Variants in CNN3 observed in about 807,000 individuals in gnomAD.
CNN3 encodes the protein calponin 3, also known as calponin-3.
Under a neutral mutation model 39.0 loss-of-function variants are expected in CNN3, and 11 were observed. The observed-to-expected ratio is 0.28, with a 90% CI of 0.18 to 0.47. The LOEUF (loss-of-function observed/expected upper bound fraction) is 0.47. Ranked by LOEUF, CNN3 falls within the 20% of genes least tolerant of loss-of-function variation. CNN3 has a pLI of 0.99. For synonymous variants in CNN3, 101 were observed against 138.3 expected, an observed-to-expected ratio of 0.73 and a Z score of 1.89; for missense variants, 266 against 403.4, an observed-to-expected ratio of 0.66 and a Z score of 2.92.
In CNN3 at chr1:94,897,728, C is replaced by T. The variant is rs758733559; in HGVS notation, c.*14G>A. 1 of 1,607,772 alleles carries T rather than the reference C, an allele frequency of 6.2e-7. No homozygotes were observed. The highest frequency in any genetic ancestry group is 8.5e-7 in the Non-Finnish European group (1 of 1,175,326). On this transcript the variant is annotated 3_prime_UTR_variant, in exon 7 of 7. Transcript: ENST00000370206. ...AAAACAAAGGACTAAATACTGAGCT[C>T]CTTCTGTGTGGATCTAATAATCAAT...
chr1:94,908,980 A>C (rs1308539399), intron 1 of CNN3, among the ~76,000 whole-genome samples: 1 of 4,882 alleles, frequency 2.0e-4, no homozygotes. Flanking sequence ...CCGTCTCTTT[A>C]AAAAAAAAAA....
chr1:94,926,844 C>T lies in CNN3; in HGVS notation c.51G>A (p.Lys17=), dbSNP rs1406822553. ...CCGCCCGAGCCAGGCGTACCTTGTT[C>T]TTGACTTCGGCCGAGAGCCCATAGG... ...GPSYGLSAEV[K]NKIASKYDHQ... The change falls in exon 1 of 7, where the codon AAG becomes AAA. Residue 17 remains lysine (K), a synonymous_variant. Coordinates refer to ENST00000370206, the MANE Select transcript of CNN3 (RefSeq NM_001839.5). This position sits in a 1 kb window ranked among gnomAD's most constrained non-coding sequence, Gnocchi z 4.2. 55 of 1,610,906 alleles carry T rather than the reference C, an allele frequency of 3.4e-5. No individual in the cohort carries two copies. The highest frequency in any genetic ancestry group is 4.7e-5 in the Non-Finnish European group (55 of 1,178,530).
chr1:94,903,359 A>G, intron 2 of CNN3, 44 bp downstream of exon 2: 2 of 1,549,730 alleles, frequency 1.3e-6, no homozygotes. Context: ...GGCTGTGGAA[A>G]GAACTGGAAG....
intron 1 of CNN3, among the ~76,000 whole-genome samples, chr1:94,908,979 T>TAAA (rs58396959): frequency 2.2e-5 from 3 of 134,440 alleles, no homozygotes; most frequent in Non-Finnish European, 3.2e-5. Flanking sequence ...CCCGTCTCTT[T>TAAA]AAAAAAAAAA....
chr1:94,912,932 C>A (rs1350970308), intron 1 of CNN3, among the ~76,000 whole-genome samples: 14 of 152,086 alleles, frequency 9.2e-5, no homozygotes, highest in Non-Finnish European at 1.5e-5. Flanking sequence ...AACACCATGC[C>A]CACTGTGCTG....
chr1:94,903,640 A>C, intron 1 of CNN3, 116 bp from the exon 2 acceptor site: 5 of 1,377,938 alleles, frequency 3.6e-6, no homozygotes, highest in Non-Finnish European at 3.0e-6. Flanking sequence ...AGTGTAGTAA[A>C]TGACACTCAA....
At position 94,897,869 on chromosome 1, in the gene CNN3, G is replaced by C. The variant is rs1264702737; in HGVS notation, c.863C>G (p.Thr288Arg). ...EPVIHNGSQG[T>R]GTNGSEISDS... ...ACTGATTTCCGAACCATTTGTTCCTGTTCCTTGGCTTCCGTTGTGAATGAC... is the reference window on the plus strand; with the variant it reads ...ACTGATTTCCGAACCATTTGTTCCTCTTCCTTGGCTTCCGTTGTGAATGAC... Residue 288 changes from threonine to arginine, a missense_variant, in exon 7 of 7, where the codon ACA (threonine) becomes AGA (arginine). Coordinates refer to ENST00000370206, the MANE Select transcript of CNN3 (RefSeq NM_001839.5). The C allele has an allele frequency of 6.2e-7, 1 of 1,614,086 alleles. No individual in the cohort carries two copies. Among genetic ancestry groups the C allele is most frequent in the Admixed American group, 1.7e-5 (1 of 60,006 alleles).
intron 6 of CNN3, 70 bp downstream of exon 6, chr1:94,899,301 A>G: frequency 6.1e-6 from 9 of 1,470,500 alleles, no homozygotes; most frequent in Non-Finnish European, 8.2e-6. Flanking sequence ...AAAAATACCT[A>G]CTTTAAACTT....
intron 1 of CNN3, among the ~76,000 whole-genome samples, chr1:94,907,587 G>A (rs1571522813): frequency 2.0e-5 from 3 of 152,310 alleles, no homozygotes; most frequent in Admixed American, 6.5e-5. Flanking sequence ...CTGACAGGGC[G>A]CAGTGGCTCA....
chr1:94,902,988 ATG>A, intron 3 of CNN3, 132 bp downstream of exon 3: 1 of 586,422 alleles, frequency 1.7e-6, no homozygotes, highest in Non-Finnish European at 2.8e-6. Context: ...TTCTGCTACA[ATG>A]TCTATGTAAA....
Position 94,926,964 on chromosome 1 carries a change from G to C in CNN3, c.-70C>G. The stretch of plus-strand genomic sequence containing the variant: ...TCTCGCACTTCGCTTCCCCGCTCCT[G>C]GCCCCGAGGAGTGGCCGCCGCGGGG... On this transcript the variant is annotated 5_prime_UTR_variant, in exon 1 of 7. Transcript: ENST00000370206. The surrounding 1 kb of genome is among the most constrained non-coding windows in gnomAD (Gnocchi z 4.2). The C allele has an allele frequency of 6.5e-7, 1 of 1,535,016 alleles. No homozygotes were observed. Among genetic ancestry groups the C allele is most frequent in the Non-Finnish European group, 8.9e-7 (1 of 1,123,688 alleles).
In CNN3 at chr1:94,926,739, C is replaced by T. The variant is rs1050235531; in HGVS notation, c.57+99G>A. ...CCTCGACGGCCCCTCTCCAGGAAAA[C>T]GGTGAGCCACAGCGCGAAGAGCAAA... is the stretch of plus-strand genomic sequence containing the variant. On this transcript the variant is annotated intron_variant, in intron 1 of 6. Transcript: ENST00000370206. The surrounding 1 kb of genome is among the most constrained non-coding windows in gnomAD (Gnocchi z 4.2). 9.7e-6 allele frequency: 13 copies of T among 1,341,536 alleles called. No individual in the cohort carries two copies. The African/African-American group carries it at 1.2e-4, about 12-fold the overall frequency. 83.1% of individuals were successfully genotyped at this position (1,341,536 alleles called of 1,614,324 possible).
intron 5 of CNN3, among the ~76,000 whole-genome samples, chr1:94,900,185 C>A (rs929267876): frequency 1.2e-4 from 18 of 152,074 alleles, no homozygotes; most frequent in Admixed American, 6.6e-5. Context: ...GCACACTTTT[C>A]TGATGTTGGA....
intron 1 of CNN3, among the ~76,000 whole-genome samples, chr1:94,920,212 G>A (rs777133971): frequency 1.1e-4 from 17 of 152,164 alleles, no homozygotes; most frequent in Non-Finnish European, 2.1e-4. Context: ...CAGATCTACA[G>A]ACCTGGTGCT....
chr1:94,914,622 C>G (rs1021015104), intron 1 of CNN3, among the ~76,000 whole-genome samples: 2 of 152,168 alleles, frequency 1.3e-5, no homozygotes, highest in African/African-American at 2.4e-5. Context: ...CTTAGTAAAT[C>G]TGGAACTCCT....
Position 94,901,717 on chromosome 1 carries a change from A to G in CNN3, c.453T>C (p.Arg151=). 1 of 1,614,030 alleles carries G rather than the reference A, an allele frequency of 6.2e-7. No homozygotes were observed. The highest frequency in any genetic ancestry group is 8.5e-7 in the Non-Finnish European group (1 of 1,179,986). The part of the protein sequence containing the change: ...GVKYAEKQTR[R]FDEGKLKAGQ... ...CAGCTTTTAATTTTCCTTCATCAAA[A>G]CGTCTTGTTTGTTTTTCTGCATACT... Residue 151 remains arginine, a synonymous_variant, in exon 5 of 7, where the codon CGT becomes CGC. Coordinates refer to ENST00000370206, the MANE Select transcript of CNN3 (RefSeq NM_001839.5).
intron 1 of CNN3, among the ~76,000 whole-genome samples, chr1:94,915,159 T>G (rs555862375): frequency 6.6e-6 from 1 of 152,320 alleles, no homozygotes; most frequent in African/African-American, 2.4e-5. Context: ...TACAAAGGTA[T>G]TTTGTACTTT....
At chr1:94,906,118 G>A (rs1018846567) in intron 1 of CNN3, among the ~76,000 whole-genome samples, 4 of 152,068 alleles carry the variant, frequency 2.6e-5, no homozygotes, top group Non-Finnish European at 5.9e-5. Context: ...GAATAGCTAG[G>A]ATTACAGTCA....
Position 94,897,693 on chromosome 1 carries a change from T to C in CNN3, c.*49A>G. On this transcript the variant is annotated 3_prime_UTR_variant, in exon 7 of 7. Coordinates refer to ENST00000370206, the MANE Select transcript of CNN3 (RefSeq NM_001839.5). ...AAATTACTCAAGGCTAGCTTGGTTC[T>C]CACTGAATAAAAACAAAGGACTAAA... is the stretch of plus-strand genomic sequence containing the variant. 6.6e-7 allele frequency: 1 copy of C among 1,519,682 alleles called. No homozygotes were observed. The highest frequency in any genetic ancestry group is 9.0e-7 in the Non-Finnish European group (1 of 1,108,098). 94.1% of individuals were successfully genotyped at this position (1,519,682 alleles called of 1,614,324 possible).
Sources: allele counts gnomAD v4.1 joint callset (sites outside exome capture counted in the v4.1 genomes callset), GRCh38; gene constraint gnomAD v4.1.1; non-coding constraint Gnocchi (gnomAD v3.1); transcripts MANE v1.5; gene names NCBI Gene and HGNC (gene_info 2026-07-23, HGNC 2026-07-21).